Variants in RBFOX1 observed in about 807,000 individuals in gnomAD.
The protein encoded by RBFOX1 is RNA binding protein fox-1 homolog 1.
In RBFOX1, 8 loss-of-function variants were observed where a neutral mutation model predicts 57.7. That is an observed-to-expected ratio of 0.14 (90% CI 0.08 to 0.25). RBFOX1 has a LOEUF of 0.25. Ranked by LOEUF, RBFOX1 falls within the 10% of genes least tolerant of loss-of-function variation. RBFOX1 has a pLI of 1.00. For synonymous variants in RBFOX1, 326 were observed against 222.4 expected (o/e 1.47, Z -4.15); for missense variants, 611 against 548.5 (o/e 1.11, Z -1.14).
In RBFOX1 at chr16:7,536,043, C is replaced by T. The variant is rs146199155; in HGVS notation, c.270+17654C>T. Among the ~76,000 whole-genome samples, 445 of 152,308 alleles carry T rather than the reference C, an allele frequency of 2.9e-3. 2 individuals are homozygous for T. The highest frequency in any genetic ancestry group is 0.01 in the African/African-American group (418 of 41,574). ...TAACACAGAATACACACACACGTCA[C>T]TCACACAGTTGAATGCAGCCAGCCA... On this transcript the variant is annotated intron_variant, in intron 5 of 15. Coordinates refer to ENST00000550418, the MANE Select transcript of RBFOX1 (RefSeq NM_018723.4).
intron 1 of RBFOX1, among the ~76,000 whole-genome samples, chr16:6,110,248 T>G (rs74004749): frequency 8.9e-4 from 134 of 150,854 alleles, no homozygotes; most frequent in African/African-American, 3.1e-3. Context: ...TACCCTGGCT[T>G]CTTCTTTGTA....
At chr16:7,265,794 C>G (rs893356736) in intron 4 of RBFOX1, among the ~76,000 whole-genome samples, 5 of 151,802 alleles carry the variant, frequency 3.3e-5, no homozygotes, top group African/African-American at 1.2e-4. Flanking sequence ...GGAGGGATTA[C>G]CTTTGATATA....
chr16:6,724,078 A>G (rs937787248), intron 3 of RBFOX1, among the ~76,000 whole-genome samples: 1 of 152,112 alleles, frequency 6.6e-6, no homozygotes, highest in Non-Finnish European at 1.5e-5. Flanking sequence ...ACCCCGGGTG[A>G]TAGTATTAGG....
intron 2 of RBFOX1, among the ~76,000 whole-genome samples, chr16:6,457,660 C>T (rs1001896820): frequency 1.3e-5 from 2 of 152,062 alleles, no homozygotes; most frequent in African/African-American, 4.8e-5. Context: ...AGTTGAAATC[C>T]TGGAAATTAT....
chr16:6,658,019 A>G (rs1024393117), intron 3 of RBFOX1, among the ~76,000 whole-genome samples: 2 of 151,872 alleles, frequency 1.3e-5, no homozygotes, highest in African/African-American at 2.4e-5. Flanking sequence ...ATTTATAGCT[A>G]TGTATATTGT....
At chr16:7,652,326 C>T (rs751831005) in intron 11 of RBFOX1, among the ~76,000 whole-genome samples, 3 of 152,128 alleles carry the variant, frequency 2.0e-5, no homozygotes, top group Non-Finnish European at 4.4e-5. Flanking sequence ...GGGTAATCAT[C>T]AGGCTTAATT....
intron 2 of RBFOX1, among the ~76,000 whole-genome samples, chr16:6,405,422 G>C (rs573019232): frequency 6.6e-6 from 1 of 152,186 alleles, no homozygotes; most frequent in African/African-American, 2.4e-5. Context: ...TAGTGCCTCA[G>C]GGACTCAGGC....
chr16:6,538,583 G>T (rs1241913379), intron 2 of RBFOX1, among the ~76,000 whole-genome samples: 1 of 152,328 alleles, frequency 6.6e-6, no homozygotes, highest in African/African-American at 2.4e-5. Context: ...AGTAATAACA[G>T]AAGGTAACAA....
chr16:5,456,791 G>T (rs1205874048), intron 1 of RBFOX1, among the ~76,000 whole-genome samples: 1 of 152,142 alleles, frequency 6.6e-6, no homozygotes, highest in Non-Finnish European at 1.5e-5. Flanking sequence ...TCCAATGCTT[G>T]AATCTCATCC....
At chr16:7,126,809 T>C (rs1272552308) in intron 4 of RBFOX1, among the ~76,000 whole-genome samples, 3 of 151,846 alleles carry the variant, frequency 2.0e-5, no homozygotes, top group African/African-American at 7.3e-5. Flanking sequence ...AGATTTTCTT[T>C]TAGCCTGGCC....
chr16:7,093,954 T>A (rs564770710), intron 4 of RBFOX1, among the ~76,000 whole-genome samples: 2 of 151,946 alleles, frequency 1.3e-5, no homozygotes, highest in East Asian at 3.9e-4. Context: ...CGTATATAAT[T>A]TTTTTAAACA....
intron 13 of RBFOX1, among the ~76,000 whole-genome samples, chr16:7,672,798 C>T (rs1179924609): frequency 8.2e-6 from 1 of 121,740 alleles, no homozygotes; most frequent in Non-Finnish European, 1.6e-5. Flanking sequence ...ACCTGGGAGA[C>T]ACAGATTGCA....
At chr16:7,611,774 C>T (rs895097405) in intron 10 of RBFOX1, among the ~76,000 whole-genome samples, 54 of 152,034 alleles carry the variant, frequency 3.6e-4, no homozygotes, top group African/African-American at 1.3e-3. Context: ...CCAGAGGAAG[C>T]ATTGAGAACG....
intron 3 of RBFOX1, among the ~76,000 whole-genome samples, chr16:5,798,716 G>A (rs76306067): frequency 7.1e-4 from 108 of 152,284 alleles, no homozygotes; most frequent in African/African-American, 1.3e-3. Context: ...TTTGCTACTC[G>A]TTCCACTTTG....
chr16:6,337,073 G>A (rs1333780532), intron 2 of RBFOX1, among the ~76,000 whole-genome samples: 2 of 152,168 alleles, frequency 1.3e-5, no homozygotes, highest in Admixed American at 1.3e-4. Flanking sequence ...CAAGAGTTCA[G>A]AGCACTTTAT....
At position 6,226,203 on chromosome 16, in the gene RBFOX1, C is replaced by CAAA. The variant is rs543386716; in HGVS notation, c.-126-90774_-126-90772dup. On this transcript the variant is annotated intron_variant, in intron 1 of 15. Transcript: ENST00000550418. ...TGAAACCCAGTCTGTACTAAAAATA[C>CAAA]AAAAAAAAAAAAAAAAAAAATTAGC... Among the ~76,000 whole-genome samples the CAAA allele has an allele frequency of 8.2e-4, 82 of 99,954 alleles. 1 individual carries two copies. The highest frequency in any genetic ancestry group is 3.3e-3 in the African/African-American group (78 of 23,460). 65.6% of individuals were successfully genotyped at this position (99,954 alleles called of 152,430 possible).
At chr16:7,167,865 G>GT (rs2079885498) in intron 4 of RBFOX1, among the ~76,000 whole-genome samples, 2 of 18,080 alleles carry the variant, frequency 1.1e-4, no homozygotes, top group South Asian at 8.6e-3. Context: ...CTGGCCCTCT[G>GT]CGAAAAAAGT....
intron 2 of RBFOX1, among the ~76,000 whole-genome samples, chr16:6,350,305 G>A (rs546024257): frequency 6.7e-4 from 101 of 151,740 alleles, no homozygotes; most frequent in African/African-American, 1.9e-3. Context: ...GTGTGGTTGC[G>A]TTGCGCATGC....
At chr16:6,050,624 A>G (rs146688008) in intron 1 of RBFOX1, among the ~76,000 whole-genome samples, 10 of 152,230 alleles carry the variant, frequency 6.6e-5, no homozygotes, top group East Asian at 1.9e-4. Context: ...TGGATGCTCA[A>G]TGCATTTTTC....
Sources: allele counts gnomAD v4.1 joint callset (sites outside exome capture counted in the v4.1 genomes callset), GRCh38; gene constraint gnomAD v4.1.1; transcripts MANE v1.5; gene names NCBI Gene and HGNC (gene_info 2026-07-23, HGNC 2026-07-21).